The following GNE variants were observed in gnomAD, a reference collection of about 807,000 sequenced individuals.
GNE encodes the protein glucosamine (UDP-N-acetyl)-2-epimerase/N-acetylmannosamine kinase, also known as bifunctional UDP-N-acetylglucosamine 2-epimerase/N-acetylmannosamine kinase.
In GNE, 41 loss-of-function variants were observed where a neutral mutation model predicts 61.8. That is an observed-to-expected ratio of 0.66 (90% confidence interval 0.52 to 0.86). The LOEUF (loss-of-function observed/expected upper bound fraction) is 0.86. Ranked by LOEUF, GNE falls within the 40% of genes least tolerant of loss-of-function variation. GNE has a pLI of 0.00. For missense variants in GNE, 608 were observed against 909.1 expected (o/e 0.67, Z 4.26); for synonymous variants, 264 against 326.4 (o/e 0.81, Z 2.06).
In GNE at chr9:36,248,022, G is replaced by A. The variant is rs561738016; in HGVS notation, c.164+1170C>T. Among the ~76,000 whole-genome samples the A allele has an allele frequency of 2.4e-3, 130 of 54,750 alleles. 1 individual carries two copies. Among genetic ancestry groups the A allele is most frequent in the Admixed American group, 0.013 (60 of 4,616 alleles). 35.9% of individuals were successfully genotyped at this position (54,750 alleles called of 152,430 possible). ...GCCTGGGCAACAAGAGCAAAACTCCGTCTCAAAAAAAAAAAAAAAAAAAAA... is the reference window on the plus strand; with the variant it reads ...GCCTGGGCAACAAGAGCAAAACTCCATCTCAAAAAAAAAAAAAAAAAAAAA... On this transcript the variant is annotated intron_variant, in intron 2 of 11. Transcript: ENST00000642385.
intron 1 of GNE, among the ~76,000 whole-genome samples, chr9:36,273,821 TAG>T (rs1253350426): frequency 6.6e-6 from 1 of 151,800 alleles, no homozygotes; most frequent in Non-Finnish European, 1.5e-5. Context: ...GTAGTTTTGG[TAG>T]AGACAGCGTC....
chr9:36,270,630 A>T (rs1044479109), intron 1 of GNE, among the ~76,000 whole-genome samples: 8 of 147,964 alleles, frequency 5.4e-5, no homozygotes, highest in African/African-American at 2.0e-4. Context: ...CCATTCTCCT[A>T]CCTCAGCCTC....
chr9:36,266,495 C>A (rs767376896), intron 1 of GNE, among the ~76,000 whole-genome samples: 21 of 152,202 alleles, frequency 1.4e-4, no homozygotes, highest in Non-Finnish European at 2.9e-4. Context: ...TGGCTGAGGC[C>A]AGGAGTAGTG....
intron 2 of GNE, among the ~76,000 whole-genome samples, chr9:36,248,620 G>T (rs535394780): frequency 1.3e-5 from 2 of 151,844 alleles, no homozygotes; most frequent in African/African-American, 4.8e-5. Flanking sequence ...CACCGTGCCC[G>T]GCCCAACTTT....
At chr9:36,245,906 A>G in intron 3 of GNE, 125 bp downstream of exon 3, 1 of 753,168 alleles carries the variant, frequency 1.3e-6, no homozygotes, top group Non-Finnish European at 2.2e-6. Context: ...TCTATGAACT[A>G]AAACCTTGGC....
Position 36,222,545 on chromosome 9 carries a change from G to A in GNE, c.1633+232C>T, listed in dbSNP as rs912758294. On this transcript the variant is annotated intron_variant, in intron 9 of 11. Coordinates refer to ENST00000642385, the MANE Select transcript of GNE (RefSeq NM_005476.7). ...GGGAGGAAAAGCTGGGAAATGAGAA[G>A]CTCTGGGAAATAAGAGCTTTGAATA... Among the ~76,000 whole-genome samples, 19 of 152,270 alleles carry A rather than the reference G, an allele frequency of 1.2e-4. No individual in the cohort carries two copies. In the East Asian group the frequency reaches 3.3e-3, roughly 26 times the overall value.
intron 1 of GNE, among the ~76,000 whole-genome samples, chr9:36,263,689 TAA>T (rs1013403202): frequency 3.9e-5 from 6 of 152,216 alleles, no homozygotes; most frequent in Admixed American, 3.3e-4. Context: ...AAATTTTTCC[TAA>T]AGTTTTTATT....
chr9:36,250,368 A>G (rs1369291874), intron 1 of GNE, among the ~76,000 whole-genome samples: 1 of 152,190 alleles, frequency 6.6e-6, no homozygotes, highest in Non-Finnish European at 1.5e-5. Context: ...TGCCTATCAG[A>G]TATCTCCTGC....
At position 36,222,971 on chromosome 9, in the gene GNE, G is replaced by A; in HGVS notation, c.1439C>T (p.Pro480Leu). 6.2e-7 allele frequency: 1 copy of A among 1,613,834 alleles called. No homozygotes were observed. The highest frequency in any genetic ancestry group is 8.5e-7 in the Non-Finnish European group (1 of 1,180,010). The part of the protein sequence containing the change: ...VGISTGGRVN[P>L]REGIVLHSTK... ...TGAATGCAGCACAATTCCTTCCCGA[G>A]GATTTACACGGCCACCTGTGGAAAT... The change falls in exon 9 of 12, where the codon CCT becomes CTT. Residue 480 changes from proline (P) to leucine (L), a missense_variant. Coordinates refer to ENST00000642385, the MANE Select transcript of GNE (RefSeq NM_005476.7).
chr9:36,263,742 A>C (rs924825145), intron 1 of GNE, among the ~76,000 whole-genome samples: 5 of 152,222 alleles, frequency 3.3e-5, no homozygotes, highest in African/African-American at 1.2e-4. Flanking sequence ...TTGAATTTCA[A>C]ATTTTCATAA....
At chr9:36,273,631 C>G (rs1447356935) in intron 1 of GNE, among the ~76,000 whole-genome samples, 7 of 151,006 alleles carry the variant, frequency 4.6e-5, no homozygotes, top group Non-Finnish European at 1.0e-4. Flanking sequence ...TGACTCTGTT[C>G]TACTGTCACT....
intron 5 of GNE, 120 bp downstream of exon 5, chr9:36,233,800 A>G: frequency 1.2e-6 from 1 of 824,836 alleles, no homozygotes; most frequent in Non-Finnish European, 2.1e-6. Context: ...TCAACTGGTT[A>G]TTAACCTCAT....
rs774572888 is a variant in GNE at position 36,246,004 on chromosome 9, A to G, written c.616+27T>C. The G allele has an allele frequency of 1.4e-5, 22 of 1,551,614 alleles. No homozygotes were observed. The South Asian group carries it at 2.1e-4, about 15-fold the overall frequency. On this transcript the variant is annotated intron_variant, in intron 3 of 11. Transcript: ENST00000642385. ...ACATTTTCTGACAAAAACAGCCATT[A>G]GACTGACTAAAGTCTGAGATACGTA...
chr9:36,245,937 A>G lies in GNE; in HGVS notation c.616+94T>C. ...TTGGCCTTCTCATTGCTAACAGAGT[A>G]TTCTATCCATAATAGTTTCCAAAAG... On this transcript the variant is annotated intron_variant, in intron 3 of 11. Transcript: ENST00000642385. The G allele has an allele frequency of 4.1e-6, 4 of 986,968 alleles. No homozygotes were observed. In the South Asian group the frequency reaches 5.4e-5, roughly 13 times the overall value. 61.1% of individuals were successfully genotyped at this position (986,968 alleles called of 1,614,324 possible). A position where few individuals can be genotyped will look rare whatever the true frequency, so the allele number is the denominator to read the frequency against.
At chr9:36,256,153 C>T (rs1485688794) in intron 1 of GNE, among the ~76,000 whole-genome samples, 2 of 151,792 alleles carry the variant, frequency 1.3e-5, no homozygotes, top group African/African-American at 4.8e-5. Context: ...TCTCGATCTC[C>T]TGACCTCAGG....
In GNE at chr9:36,248,316, T is replaced by G. The variant is rs185841763; in HGVS notation, c.164+876A>C. ...TTGTTCTCTCAGATTATTCAACCTT[T>G]GCTTTTTTTTTTTTTGAGACGGAGT... On this transcript the variant is annotated intron_variant, in intron 2 of 11. Transcript: ENST00000642385. Among the ~76,000 whole-genome samples, 1,354 of 148,806 alleles carry G rather than the reference T, an allele frequency of 9.1e-3. 16 individuals are homozygous for G. The highest frequency in any genetic ancestry group is 0.018 in the South Asian group (83 of 4,550).
intron 7 of GNE, among the ~76,000 whole-genome samples, chr9:36,225,239 G>A (rs1828810915): frequency 6.6e-6 from 1 of 152,014 alleles, no homozygotes; most frequent in Non-Finnish European, 1.5e-5. Context: ...AGTTTTTGTT[G>A]TTGTTCTGAA....
Position 36,246,318 on chromosome 9 carries a change from T to C in GNE, c.329A>G (p.His110Arg), listed in dbSNP as rs886043739. 6.2e-7 allele frequency: 1 copy of C among 1,614,198 alleles called. No individual in the cohort carries two copies. The highest frequency in any genetic ancestry group is 8.5e-7 in the Non-Finnish European group (1 of 1,180,040). Residue 110 changes from histidine (H) to arginine (R), a missense_variant, in exon 3 of 12, where the codon CAT becomes CGT. Physicochemically the swap from His to Arg is conservative, Grantham distance 29 (BLOSUM62 0). Coordinates refer to ENST00000642385, the MANE Select transcript of GNE (RefSeq NM_005476.7). ...NRLKPDIMIV[H>R]GDRFDALALA... ...AGCCAGGGCATCAAACCTGTCTCCA[T>C]GAACAATCATGATATCAGGCTTCAG...
intron 5 of GNE, among the ~76,000 whole-genome samples, chr9:36,232,830 G>C (rs1424353230): frequency 1.3e-5 from 2 of 152,182 alleles, no homozygotes; most frequent in East Asian, 1.9e-4. Context: ...GCTCTTCTTG[G>C]TCTAGTTTAT....
Sources: gnomAD v4.1 joint callset for allele counts (sites outside exome capture counted in the v4.1 genomes callset) on GRCh38, gnomAD v4.1.1 for gene constraint, MANE v1.5 for transcripts, NCBI Gene and HGNC (gene_info 2026-07-23, HGNC 2026-07-21) for gene names.